The following CACNB2 variants were observed in gnomAD, a reference collection of about 807,000 sequenced individuals.
The protein encoded by CACNB2 is voltage-dependent L-type calcium channel subunit beta-2.
CACNB2 carries 42 observed loss-of-function variants against 73.3 expected under a neutral mutation model. The observed-to-expected ratio is 0.57, with a 90% CI of 0.45 to 0.74. CACNB2 has a LOEUF of 0.74. CACNB2 is among the 30% of genes least tolerant of loss of function. The pLI, the probability that CACNB2 is intolerant of heterozygous loss-of-function variation, is 0.00. For missense variants in CACNB2, 940 were observed against 853.0 expected (o/e 1.10, Z -1.27); for synonymous variants, 348 against 310.3 (o/e 1.12, Z -1.28).
intron 3 of CACNB2, among the ~76,000 whole-genome samples, chr10:18,441,234 TCTCTA>T (rs1418736290): frequency 6.6e-6 from 1 of 152,140 alleles, no homozygotes; most frequent in African/African-American, 2.4e-5. Context: ...TGAAACCCCG[TCTCTA>T]CTAAAAATAG....
chr10:18,470,778 C>T (rs1034159730), intron 3 of CACNB2, among the ~76,000 whole-genome samples: 1 of 152,096 alleles, frequency 6.6e-6, no homozygotes, highest in East Asian at 1.9e-4. Flanking sequence ...TGCAATCTTT[C>T]TCAAATGCTG....
chr10:18,499,741 C>T (rs1189269236), intron 4 of CACNB2, among the ~76,000 whole-genome samples: 1 of 104,336 alleles, frequency 9.6e-6, no homozygotes, highest in Non-Finnish European at 2.2e-5. Flanking sequence ...TTTTGGAAGG[C>T]CGAGGAAGGC....
At chr10:18,284,743 G>A (rs374260070) in intron 2 of CACNB2, among the ~76,000 whole-genome samples, 7 of 152,222 alleles carry the variant, frequency 4.6e-5, no homozygotes, top group Admixed American at 3.9e-4. Flanking sequence ...ATTATTTTTG[G>A]GGAACTGCTG....
At chr10:18,290,008 G>A (rs1165387619) in intron 2 of CACNB2, among the ~76,000 whole-genome samples, 1 of 150,648 alleles carries the variant, frequency 6.6e-6, no homozygotes, top group Non-Finnish European at 1.5e-5. Context: ...TGAGAGAAGA[G>A]TCTAAAAAGC....
chr10:18,455,689 A>G (rs568528377), intron 3 of CACNB2, among the ~76,000 whole-genome samples: 14 of 152,208 alleles, frequency 9.2e-5, no homozygotes, highest in Non-Finnish European at 1.3e-4. Flanking sequence ...TAAGGCACTA[A>G]GGTTCCTTAA....
In CACNB2 at chr10:18,539,682, T is replaced by C. The variant is rs749782217; in HGVS notation, c.1941T>C (p.Asn647=). 31 of 1,611,790 alleles carry C rather than the reference T, an allele frequency of 1.9e-5. No individual in the cohort carries two copies. The highest frequency in any genetic ancestry group is 2.6e-5 in the Non-Finnish European group (31 of 1,179,668). The stretch of plus-strand genomic sequence containing the variant: ...GAGAAGTGATATCAAAAAAACGGAA[T>C]GAGGCTGGGGAGTGGAACAGGGATG... ...KDGEVISKKR[N]EAGEWNRDVY... is the part of the protein sequence containing the mutation. Residue 647 remains asparagine (N), a synonymous_variant, in exon 14 of 14, where the codon AAT becomes AAC. Coordinates refer to ENST00000324631, the MANE Select transcript of CACNB2 (RefSeq NM_201596.3).
intron 2 of CACNB2, among the ~76,000 whole-genome samples, chr10:18,190,954 GAT>G (rs1322327627): frequency 6.6e-6 from 1 of 152,244 alleles, no homozygotes; most frequent in Non-Finnish European, 1.5e-5. Flanking sequence ...GATATCATTA[GAT>G]TTGGTTTTGA....
At chr10:18,306,841 A>T (rs934068239) in intron 2 of CACNB2, among the ~76,000 whole-genome samples, 1 of 152,162 alleles carries the variant, frequency 6.6e-6, no homozygotes, top group African/African-American at 2.4e-5. Flanking sequence ...AGATCATGGG[A>T]AAAGCTAAGT....
chr10:18,505,841 T>C (rs1470702548), intron 5 of CACNB2, among the ~76,000 whole-genome samples: 1 of 152,222 alleles, frequency 6.6e-6, no homozygotes, highest in Admixed American at 6.5e-5. Flanking sequence ...CTTCAAATTA[T>C]TCCTAAATTA....
At position 18,309,296 on chromosome 10, in the gene CACNB2, A is replaced by G. The variant is rs1779242; in HGVS notation, c.214-92628A>G. ...CAATAGAGTCAAAAATGTCTCCAAC[A>G]GTTACATAAGCACCAGACTGCCAAG... On this transcript the variant is annotated intron_variant, in intron 2 of 13. Transcript: ENST00000324631. 5.4e-3 allele frequency among the ~76,000 whole-genome samples: 819 copies of G among 152,288 alleles called. 24 individuals are homozygous for G. Among genetic ancestry groups the G allele is most frequent in the Admixed American group, 0.046 (700 of 15,296 alleles).
At chr10:18,144,773 C>G (rs886512004) in intron 1 of CACNB2, among the ~76,000 whole-genome samples, 2 of 152,186 alleles carry the variant, frequency 1.3e-5, no homozygotes, top group African/African-American at 4.8e-5. Context: ...CTGGGTTAAA[C>G]AAATGCATTG....
At chr10:18,180,312 GGAAA>G (rs1372140993) in intron 2 of CACNB2, among the ~76,000 whole-genome samples, 2 of 152,094 alleles carry the variant, frequency 1.3e-5, no homozygotes, top group Non-Finnish European at 2.9e-5. Flanking sequence ...CTTCCCAGAT[GGAAA>G]GACTATTCGA....
intron 2 of CACNB2, among the ~76,000 whole-genome samples, chr10:18,383,244 C>T (rs947644474): frequency 3.3e-5 from 5 of 152,156 alleles, no homozygotes; most frequent in Non-Finnish European, 7.3e-5. Flanking sequence ...CCACATTATA[C>T]AGGTAAGGAG....
chr10:18,389,310 A>T (rs1248270097), intron 2 of CACNB2, among the ~76,000 whole-genome samples: 2 of 151,852 alleles, frequency 1.3e-5, no homozygotes, highest in African/African-American at 4.8e-5. Context: ...CTCATTTTTA[A>T]AATGTTTTTG....
chr10:18,227,987 AAGG>A (rs1170149689), intron 2 of CACNB2, among the ~76,000 whole-genome samples: 2 of 152,180 alleles, frequency 1.3e-5, no homozygotes, highest in South Asian at 4.1e-4. Flanking sequence ...CATGCTCTGA[AAGG>A]AGGAAAAAAA....
intron 2 of CACNB2, among the ~76,000 whole-genome samples, chr10:18,248,428 A>C (rs550437624): frequency 1.3e-5 from 2 of 152,228 alleles, no homozygotes; most frequent in Non-Finnish European, 2.9e-5. Context: ...GTCATAAATC[A>C]TATGAATCTC....
chr10:18,150,874 T>TTTTTTTTTTTTTTTTTC lies in CACNB2; in HGVS notation c.121-3_121-2insTTTTTTTTTTCTTTTTT. ...ATTTGTCTTTTTTTTTTTTTTTTTT[T>TTTTTTTTTTTTTTTTTC]TTTTTTAGTCATATGGAAAAGGAGC... On this transcript the variant is annotated splice_polypyrimidine_tract_variant and intron_variant, in intron 1 of 13. Coordinates refer to ENST00000324631, the MANE Select transcript of CACNB2 (RefSeq NM_201596.3). 7.9e-7 allele frequency: 1 copy of TTTTTTTTTTTTTTTTTC among 1,271,866 alleles called. No individual in the cohort carries two copies. The highest frequency in any genetic ancestry group is 1.1e-6 in the Non-Finnish European group (1 of 931,464). 78.8% of individuals were successfully genotyped at this position (1,271,866 alleles called of 1,614,324 possible).
intron 1 of CACNB2, chr10:18,141,184 A>T: frequency 7.3e-7 from 1 of 1,368,062 alleles, no homozygotes; most frequent in Non-Finnish European, 9.7e-7. Flanking sequence ...AGAGACATGA[A>T]TCAGGGGAGT....
chr10:18,430,144 A>G (rs200577847), intron 3 of CACNB2, among the ~76,000 whole-genome samples: 108 of 115,096 alleles, frequency 9.4e-4, no homozygotes, highest in African/African-American at 2.9e-3. Flanking sequence ...AAAAAAAAAA[A>G]GGGACATATT....
Sources: allele counts gnomAD v4.1 joint callset (sites outside exome capture counted in the v4.1 genomes callset), GRCh38; gene constraint gnomAD v4.1.1; transcripts MANE v1.5; gene names NCBI Gene and HGNC (gene_info 2026-07-23, HGNC 2026-07-21).